MAST4: variants seen among roughly 807,000 people sequenced by gnomAD.
The protein encoded by MAST4 is microtubule associated serine/threonine kinase family member 4.
MAST4 carries 89 observed loss-of-function variants against 162.7 expected under a neutral mutation model. The ratio of observed to expected loss-of-function variants is 0.55; its 90% CI spans 0.46 to 0.65. The LOEUF is 0.65. MAST4 is among the 30% of genes least tolerant of loss of function. The pLI is 0.00. For missense variants in MAST4, 3,153 were observed against 3,374.0 expected, an observed-to-expected ratio of 0.93 and a Z score of 1.62; for synonymous variants, 1,479 against 1,361.1, an observed-to-expected ratio of 1.09 and a Z score of -1.91.
chr5:67,036,286 G>A (rs1756008112), intron 4 of MAST4, among the ~76,000 whole-genome samples: 1 of 151,504 alleles, frequency 6.6e-6, no homozygotes. Context: ...TATTTAAAAG[G>A]ACATCAGCTT....
At chr5:66,877,547 A>G (rs27676) in intron 3 of MAST4, among the ~76,000 whole-genome samples, 1 of 152,046 alleles carries the variant, frequency 6.6e-6, no homozygotes, top group East Asian at 1.9e-4. Context: ...CTGACTCCTG[A>G]TGGACGTACC....
intron 3 of MAST4, among the ~76,000 whole-genome samples, chr5:66,824,297 G>A (rs1185601331): frequency 6.6e-6 from 1 of 152,170 alleles, no homozygotes; most frequent in Non-Finnish European, 1.5e-5. Context: ...ACTCTGACTG[G>A]TGGGACGAGG....
chr5:66,848,334 G>T (rs192578966), intron 3 of MAST4, among the ~76,000 whole-genome samples: 1 of 152,220 alleles, frequency 6.6e-6, no homozygotes, highest in East Asian at 1.9e-4. Flanking sequence ...AGGCGATAAG[G>T]AATGCAAATT....
At chr5:66,750,320 A>G (rs1753055459) in intron 1 of MAST4, among the ~76,000 whole-genome samples, 1 of 152,240 alleles carries the variant, frequency 6.6e-6, no homozygotes, top group South Asian at 2.1e-4. Context: ...GGAACAGCTC[A>G]GGTCTACAGC....
In MAST4 at chr5:66,596,759, G is replaced by A; in HGVS notation, c.104G>A (p.Gly35Asp). Residue 35 changes from glycine to aspartate, a missense_variant, in exon 1 of 29, where the codon GGT becomes GAT. Gly to Asp is a moderately conservative substitution (Grantham distance 94). This residue lies in a region of MAST4 where 327 missense variants were observed against 336.5 expected (regional missense o/e 0.97). Transcript: ENST00000403625. ...ASALVAASSP[G>D]ASSAESSSGS... Reference sequence around the variant, plus strand: ...GCGCTGGTCGCCGCGTCCTCTCCGGGTGCTTCCTCGGCCGAGTCCTCCTCG... The same window carrying A: ...GCGCTGGTCGCCGCGTCCTCTCCGGATGCTTCCTCGGCCGAGTCCTCCTCG... The A allele has an allele frequency of 1.4e-6, 2 of 1,400,724 alleles. No individual in the cohort carries two copies. The highest frequency in any genetic ancestry group is 1.9e-6 in the Non-Finnish European group (2 of 1,075,208). The allele number at this position is 1,400,724 out of a possible 1,614,324, so 86.8% of individuals were successfully genotyped here.
At chr5:66,819,420 CG>C (rs1561353078) in intron 3 of MAST4, among the ~76,000 whole-genome samples, 1 of 152,094 alleles carries the variant, frequency 6.6e-6, no homozygotes, top group Non-Finnish European at 1.5e-5. Context: ...ATTCATTTAA[CG>C]TAATGCCTCT....
At chr5:66,815,131 C>T (rs552372645) in intron 3 of MAST4, among the ~76,000 whole-genome samples, 61 of 152,274 alleles carry the variant, frequency 4.0e-4, no homozygotes, top group African/African-American at 1.4e-3. Context: ...TTATTGCATG[C>T]ACAACTAAAC....
At chr5:66,600,412 T>C (rs1742477405) in intron 1 of MAST4, among the ~76,000 whole-genome samples, 1 of 152,254 alleles carries the variant, frequency 6.6e-6, no homozygotes, top group South Asian at 2.1e-4. Flanking sequence ...TTCTGCCTTG[T>C]CCTTTTCCAA....
chr5:67,044,250 C>A (rs1005940110), intron 4 of MAST4, among the ~76,000 whole-genome samples: 1 of 152,138 alleles, frequency 6.6e-6, no homozygotes, highest in Non-Finnish European at 1.5e-5. Context: ...TTGTACTAAT[C>A]TGAAATCCAA....
intron 4 of MAST4, among the ~76,000 whole-genome samples, chr5:66,961,599 C>T (rs1038677332): frequency 1.3e-5 from 2 of 152,156 alleles, no homozygotes; most frequent in Non-Finnish European, 2.9e-5. Flanking sequence ...TAGCCTATGC[C>T]TGGCTTTCCA....
chr5:66,910,317 C>T (rs1041916034), intron 4 of MAST4, among the ~76,000 whole-genome samples: 9 of 152,200 alleles, frequency 5.9e-5, no homozygotes, highest in African/African-American at 2.2e-4. Flanking sequence ...GTGACAGCCA[C>T]ACTGGTGTGG....
At chr5:66,618,047 T>G (rs1315493383) in intron 1 of MAST4, among the ~76,000 whole-genome samples, 1 of 144,612 alleles carries the variant, frequency 6.9e-6, no homozygotes. Flanking sequence ...GGGGGGGCCC[T>G]GATTCTGTGT....
intron 5 of MAST4, among the ~76,000 whole-genome samples, chr5:67,068,399 G>A (rs767787949): frequency 1.3e-5 from 2 of 152,120 alleles, no homozygotes; most frequent in African/African-American, 4.8e-5. Flanking sequence ...TTCACAGGGC[G>A]GCAGGAAAGA....
chr5:66,802,568 C>A (rs1217782217), intron 3 of MAST4, among the ~76,000 whole-genome samples: 1 of 152,082 alleles, frequency 6.6e-6, no homozygotes, highest in Non-Finnish European at 1.5e-5. Flanking sequence ...GGGGCCATAT[C>A]TGTTTGAAGA....
chr5:66,601,924 G>A (rs1183481998), intron 1 of MAST4, among the ~76,000 whole-genome samples: 1 of 152,128 alleles, frequency 6.6e-6, no homozygotes, highest in East Asian at 1.9e-4. Flanking sequence ...CTGAGAAGAT[G>A]TCCCTTTAGC....
At chr5:66,646,214 T>C (rs1427299401) in intron 1 of MAST4, among the ~76,000 whole-genome samples, 2 of 151,928 alleles carry the variant, frequency 1.3e-5, no homozygotes, top group Non-Finnish European at 2.9e-5. Context: ...TTAGATAATA[T>C]TTTGGTTATT....
chr5:66,947,471 A>C (rs772231329), intron 4 of MAST4, among the ~76,000 whole-genome samples: 19 of 152,180 alleles, frequency 1.2e-4, no homozygotes, highest in Non-Finnish European at 2.2e-4. Flanking sequence ...GTAATGGGTT[A>C]ACAGTCTTCT....
At chr5:66,750,337 C>T (rs1306660481) in intron 1 of MAST4, among the ~76,000 whole-genome samples, 1 of 152,186 alleles carries the variant, frequency 6.6e-6, no homozygotes, top group East Asian at 1.9e-4. Flanking sequence ...CAGCTCCCAG[C>T]GTGAGCGACG....
intron 4 of MAST4, among the ~76,000 whole-genome samples, chr5:66,977,529 A>G (rs2150224948): frequency 6.6e-6 from 1 of 152,236 alleles, no homozygotes; most frequent in South Asian, 2.1e-4. Flanking sequence ...ATTTGGGGGG[A>G]AAAGAAAACA....
Sources: allele counts gnomAD v4.1 joint callset (sites outside exome capture counted in the v4.1 genomes callset), GRCh38; gene constraint gnomAD v4.1.1; regional missense constraint gnomAD v4.1.1; transcripts MANE v1.5; gene names NCBI Gene and HGNC (gene_info 2026-07-23, HGNC 2026-07-21).